LRRC37A2: variants seen among roughly 807,000 people sequenced by gnomAD.
LRRC37A2 encodes leucine-rich repeat-containing protein 37A2.
A neutral mutation model predicts 68.8 loss-of-function variants in LRRC37A2; 9 were observed. That is an observed-to-expected ratio of 0.13 (90% CI 0.08 to 0.23). LRRC37A2 has a LOEUF of 0.23. Ranked by LOEUF, LRRC37A2 falls within the 10% of genes least tolerant of loss-of-function variation. LRRC37A2 has a pLI of 1.00. For missense variants in LRRC37A2, 168 were observed against 950.4 expected, an observed-to-expected ratio of 0.18 and a Z score of 10.82; for synonymous variants, 63 against 367.6, an observed-to-expected ratio of 0.17 and a Z score of 9.48.
At chr17:46,943,190 T>C in the LRRC37A2 span, among the ~76,000 whole-genome samples, 1 of 152,030 alleles carries the variant, frequency 6.6e-6, no homozygotes, top group Non-Finnish European at 1.5e-5. Flanking sequence ...TGGGAACCAC[T>C]TGCAGAGACC....
chr17:46,974,987 C>CTTTTT, the LRRC37A2 span, among the ~76,000 whole-genome samples: 8 of 119,056 alleles, frequency 6.7e-5, no homozygotes, highest in South Asian at 2.7e-4. Context: ...TTACTATTTT[C>CTTTTT]TTTTTTTTTT....
At chr17:46,751,469 A>G in the LRRC37A2 span, 1 of 1,513,276 alleles carries the variant, frequency 6.6e-7, no homozygotes, top group Non-Finnish European at 9.2e-7. Context: ...GTTCACTGTA[A>G]AAGTGCTTTG....
the LRRC37A2 span, chr17:46,931,269 C>T: frequency 1.2e-6 from 1 of 845,690 alleles, no homozygotes; most frequent in Admixed American, 1.7e-5. Flanking sequence ...GCTTTTCTCC[C>T]TGGGGGAGGT....
the LRRC37A2 span, among the ~76,000 whole-genome samples, chr17:47,000,164 G>C: frequency 2.0e-5 from 3 of 148,546 alleles, no homozygotes; most frequent in East Asian, 6.0e-4. Context: ...CTGGCTCCCT[G>C]CACAGAGTGT....
the LRRC37A2 span, chr17:46,755,705 T>C: frequency 3.0e-6 from 4 of 1,341,744 alleles, no homozygotes; most frequent in South Asian, 1.3e-5. Flanking sequence ...AGGATAACCA[T>C]TAAGAAGCTT....
At chr17:46,763,372 TGAC>T in the LRRC37A2 span, 1 of 152,096 alleles carries the variant, frequency 6.6e-6, no homozygotes, top group Non-Finnish European at 1.5e-5. Flanking sequence ...AGGGAGTAGG[TGAC>T]TGCTGGTTCC....
At chr17:46,657,970 AT>A in the LRRC37A2 span, among the ~76,000 whole-genome samples, 4 of 14,900 alleles carry the variant, frequency 2.7e-4, no homozygotes, top group Admixed American at 1.2e-3. Flanking sequence ...TATTTTATTT[AT>A]TTTTTTTTTT....
the LRRC37A2 span, among the ~76,000 whole-genome samples, chr17:46,772,346 G>C: frequency 6.6e-6 from 1 of 152,232 alleles, no homozygotes; most frequent in African/African-American, 2.4e-5. Context: ...GTTCAACGCG[G>C]AGTGAATGGG....
chr17:47,031,241 A>G, the LRRC37A2 span, among the ~76,000 whole-genome samples: 8 of 148,700 alleles, frequency 5.4e-5, 1 homozygote, highest in Non-Finnish European at 1.0e-4. Flanking sequence ...CTGCTGGCCC[A>G]AGCGCAGTAA....
the LRRC37A2 span, among the ~76,000 whole-genome samples, chr17:46,886,894 G>A: frequency 6.6e-6 from 1 of 152,166 alleles, no homozygotes; most frequent in Non-Finnish European, 1.5e-5. Context: ...TCAGCTCACT[G>A]CAAACTCCAC....
the LRRC37A2 span, among the ~76,000 whole-genome samples, chr17:46,984,720 G>A: frequency 1.3e-5 from 2 of 152,214 alleles, no homozygotes; most frequent in Middle Eastern, 3.2e-3. Context: ...AGTATCACTT[G>A]CTGGATGGAC....
chr17:46,819,297 G>T, the LRRC37A2 span, among the ~76,000 whole-genome samples: 1 of 152,192 alleles, frequency 6.6e-6, no homozygotes, highest in Admixed American at 6.5e-5. This position sits in a 1 kb window ranked among gnomAD's most constrained non-coding sequence, Gnocchi z 5.3. Context: ...AAAAGTCCGC[G>T]GAGGCTCGAA....
chr17:46,768,728 G>T, the LRRC37A2 span: 1 of 1,614,174 alleles, frequency 6.2e-7, no homozygotes, highest in Non-Finnish European at 8.5e-7. The surrounding 1 kb of genome is among the most constrained non-coding windows in gnomAD (Gnocchi z 5.0). Flanking sequence ...GCGCCCACCA[G>T]CAGGTCTTCA....
At chr17:46,866,210 T>C in the LRRC37A2 span, among the ~76,000 whole-genome samples, 1 of 151,948 alleles carries the variant, frequency 6.6e-6, no homozygotes, top group Admixed American at 6.6e-5. Flanking sequence ...CTGGAGTTGG[T>C]GTTGAGCAGC....
the LRRC37A2 span, among the ~76,000 whole-genome samples, chr17:46,796,420 G>T: frequency 2.0e-5 from 3 of 152,226 alleles, no homozygotes; most frequent in Non-Finnish European, 4.4e-5. Context: ...CCCTATCTCA[G>T]TGGGGAAACT....
chr17:46,998,908 T>TCGCG, the LRRC37A2 span: 2 of 149,766 alleles, frequency 1.3e-5, no homozygotes, highest in Non-Finnish European at 3.0e-5. Flanking sequence ...GCACTTCAGA[T>TCGCG]ACTGTCATCA....
chr17:46,984,272 A>G, the LRRC37A2 span, among the ~76,000 whole-genome samples: 1 of 148,268 alleles, frequency 6.7e-6, no homozygotes, highest in African/African-American at 2.5e-5. Context: ...TTACCCTACA[A>G]CTAAGCTCAA....
chr17:46,922,932 T>C, the LRRC37A2 span: 1 of 576,124 alleles, frequency 1.7e-6, no homozygotes, highest in South Asian at 2.0e-5. Flanking sequence ...ATCCTGAGGC[T>C]AGCCTTCAGC....
At chr17:46,880,398 T>C in the LRRC37A2 span, among the ~76,000 whole-genome samples, 1 of 152,220 alleles carries the variant, frequency 6.6e-6, no homozygotes. Context: ...CTTATGTCCA[T>C]TTATTCAACC....
Sources: allele counts gnomAD v4.1 joint callset (sites outside exome capture counted in the v4.1 genomes callset), GRCh38; gene constraint gnomAD v4.1.1; non-coding constraint Gnocchi (gnomAD v3.1); transcripts MANE v1.5; gene names NCBI Gene and HGNC (gene_info 2026-07-23, HGNC 2026-07-21).